The following TAOK3 variants were observed in gnomAD, a reference collection of about 807,000 sequenced individuals.
The protein encoded by TAOK3 is serine/threonine-protein kinase TAO3.
TAOK3 carries 40 observed loss-of-function variants against 120.4 expected under a neutral mutation model. That is an observed-to-expected ratio of 0.33 (90% CI 0.26 to 0.43). The LOEUF is 0.43. Ranked by LOEUF, TAOK3 falls within the 20% of genes least tolerant of loss-of-function variation. TAOK3 has a pLI of 1.00. For synonymous variants in TAOK3, 355 were observed against 387.5 expected, an observed-to-expected ratio of 0.92 and a Z score of 0.99; for missense variants, 821 against 1,112.1, an observed-to-expected ratio of 0.74 and a Z score of 3.72.
rs1186528879 is a variant in TAOK3 at position 118,160,736 on chromosome 12, TCCC to T, written c.2140-381_2140-379del. Among the ~76,000 whole-genome samples the T allele has an allele frequency of 2.0e-5, 3 of 152,030 alleles. No individual in the cohort carries two copies. The highest frequency in any genetic ancestry group is 6.6e-5 in the Admixed American group (1 of 15,260). On this transcript the variant is annotated intron_variant, in intron 18 of 20. Coordinates refer to ENST00000392533, the MANE Select transcript of TAOK3 (RefSeq NM_016281.4). The surrounding 1 kb of genome is among the most constrained non-coding windows in gnomAD (Gnocchi z 4.2). ...AGTGTCTTCCATTGTTCATTGTTTT[TCCC>T]CCCTTTTTTTTTGTTTCTGTGTTTC...
intron 1 of TAOK3, among the ~76,000 whole-genome samples, chr12:118,285,438 C>T (rs1205003067): frequency 6.6e-6 from 1 of 151,692 alleles, no homozygotes; most frequent in Non-Finnish European, 1.5e-5. Context: ...CTGCAACCTC[C>T]ACCTCCCGGG....
At chr12:118,232,490 A>G (rs1415974838) in intron 9 of TAOK3, among the ~76,000 whole-genome samples, 1 of 152,234 alleles carries the variant, frequency 6.6e-6, no homozygotes, top group Admixed American at 6.5e-5. Context: ...GGGAACTCCC[A>G]TAAAGGTAGG....
At chr12:118,311,683 T>C (rs181587416) in intron 1 of TAOK3, among the ~76,000 whole-genome samples, 43 of 151,750 alleles carry the variant, frequency 2.8e-4, no homozygotes, top group Non-Finnish European at 5.4e-4. Context: ...CAAACAAAAC[T>C]AAGAAATGGG....
chr12:118,351,996 C>T (rs1422671018), intron 1 of TAOK3, among the ~76,000 whole-genome samples: 1 of 151,194 alleles, frequency 6.6e-6, no homozygotes, highest in Non-Finnish European at 1.5e-5. Context: ...GCCTCAGCCT[C>T]CCGAGTAGCT....
intron 1 of TAOK3, among the ~76,000 whole-genome samples, chr12:118,335,137 T>C (rs367669012): frequency 1.3e-5 from 2 of 151,018 alleles, no homozygotes; most frequent in African/African-American, 4.9e-5. Flanking sequence ...TGAGCCAAGG[T>C]TGCGCCATCC....
At position 118,372,297 on chromosome 12, in the gene TAOK3, G is replaced by A. The variant is rs1227175371; in HGVS notation, c.-194+351C>T. Among the ~76,000 whole-genome samples, 1 of 149,120 alleles carries A rather than the reference G, an allele frequency of 6.7e-6. No homozygotes were observed. Among genetic ancestry groups the A allele is most frequent in the Non-Finnish European group, 1.5e-5 (1 of 67,224 alleles). ...CTTTTCTGGGACCTGGTCCTTCAGGGGACCCCCTCCCCTCATCCCCCTATC... is the reference window on the plus strand; with the variant it reads ...CTTTTCTGGGACCTGGTCCTTCAGGAGACCCCCTCCCCTCATCCCCCTATC... On this transcript the variant is annotated intron_variant, in intron 1 of 20. Coordinates refer to ENST00000392533, the MANE Select transcript of TAOK3 (RefSeq NM_016281.4). The surrounding 1 kb of genome is among the most constrained non-coding windows in gnomAD (Gnocchi z 4.6).
intron 1 of TAOK3, among the ~76,000 whole-genome samples, chr12:118,278,638 A>G (rs1223917135): frequency 6.6e-6 from 1 of 152,186 alleles, no homozygotes; most frequent in African/African-American, 2.4e-5. Context: ...AGAATGATTC[A>G]TATTCCTTTA....
intron 1 of TAOK3, among the ~76,000 whole-genome samples, chr12:118,311,992 C>T (rs1028257465): frequency 1.3e-5 from 2 of 151,992 alleles, no homozygotes; most frequent in Non-Finnish European, 2.9e-5. Context: ...ATGGTGGAGA[C>T]GTGGTAAGGG....
intron 17 of TAOK3, among the ~76,000 whole-genome samples, chr12:118,167,955 C>T (rs2035716941): frequency 6.6e-6 from 1 of 152,174 alleles, no homozygotes; most frequent in Admixed American, 6.5e-5. Context: ...TTACCTACCT[C>T]ATATCCTTCC....
intron 17 of TAOK3, among the ~76,000 whole-genome samples, chr12:118,165,270 A>G (rs973503007): frequency 6.6e-6 from 1 of 152,198 alleles, no homozygotes; most frequent in Non-Finnish European, 1.5e-5. Context: ...GGCCAAGGAA[A>G]GCCCTTTAAA....
intron 1 of TAOK3, among the ~76,000 whole-genome samples, chr12:118,340,190 T>G (rs182746571): frequency 6.6e-6 from 1 of 152,314 alleles, no homozygotes; most frequent in Admixed American, 6.5e-5. Context: ...ATACATGTAT[T>G]TGTTTGTGAT....
chr12:118,262,348 T>C (rs1419264729), intron 2 of TAOK3, among the ~76,000 whole-genome samples: 2 of 151,566 alleles, frequency 1.3e-5, no homozygotes, highest in Non-Finnish European at 2.9e-5. Context: ...CCGGGCGTGG[T>C]GGTGGGTACC....
chr12:118,177,074 T>A (rs1255004523), intron 16 of TAOK3, 127 bp downstream of exon 16: 7 of 1,036,390 alleles, frequency 6.8e-6, no homozygotes, highest in Non-Finnish European at 9.8e-6. Context: ...GAAAGCATTT[T>A]AGGGTATTCT....
intron 7 of TAOK3, 137 bp from the exon 8 acceptor site, chr12:118,235,808 C>T: frequency 1.7e-6 from 1 of 600,656 alleles, no homozygotes; most frequent in Non-Finnish European, 2.9e-6. Flanking sequence ...GCTCAGATAG[C>T]CAGAAGGAGA....
In TAOK3 at chr12:118,331,368, G is replaced by T. The variant is rs550553771; in HGVS notation, c.-194+41280C>A. ...TACTCTAAAATGAGAATAATGGCTA[G>T]GCATGGTGGCTCGCACCTGTAATCC... On this transcript the variant is annotated intron_variant, in intron 1 of 20. Coordinates refer to ENST00000392533, the MANE Select transcript of TAOK3 (RefSeq NM_016281.4). 4.9e-4 allele frequency among the ~76,000 whole-genome samples: 74 copies of T among 152,220 alleles called. 1 individual carries two copies. The highest frequency in any genetic ancestry group is 4.5e-3 in the Admixed American group (68 of 15,280).
At chr12:118,370,553 G>A (rs1002869684) in intron 1 of TAOK3, among the ~76,000 whole-genome samples, 3 of 152,084 alleles carry the variant, frequency 2.0e-5, no homozygotes, top group Non-Finnish European at 4.4e-5. Context: ...TTCGATGTCT[G>A]CTTCTATAAA....
chr12:118,292,151 G>A lies in TAOK3; in HGVS notation c.-193-25392C>T, dbSNP rs116548150. Among the ~76,000 whole-genome samples the A allele has an allele frequency of 7.7e-3, 1,167 of 152,168 alleles. 12 individuals carry two copies. The highest frequency in any genetic ancestry group is 0.027 in the African/African-American group (1,135 of 41,524). The stretch of plus-strand genomic sequence containing the variant: ...TCCTGCTATACAATATTTTTTCCCC[G>A]TGGATAGTCATAATACATGGTGGCT... On this transcript the variant is annotated intron_variant, in intron 1 of 20. Transcript: ENST00000392533.
chr12:118,359,293 T>G (rs1345068107), intron 1 of TAOK3: 1 of 152,208 alleles, frequency 6.6e-6, no homozygotes, highest in Non-Finnish European at 1.5e-5. Flanking sequence ...AGAGGAAAAC[T>G]TGCTCAAGCT....
At chr12:118,206,787 G>A (rs1303660246) in intron 11 of TAOK3, among the ~76,000 whole-genome samples, 3 of 151,562 alleles carry the variant, frequency 2.0e-5, no homozygotes, top group African/African-American at 4.8e-5. Context: ...AATAGAGATG[G>A]GGTTTCACCA....
Sources: allele counts gnomAD v4.1 joint callset (sites outside exome capture counted in the v4.1 genomes callset), GRCh38; gene constraint gnomAD v4.1.1; non-coding constraint Gnocchi (gnomAD v3.1); transcripts MANE v1.5; gene names NCBI Gene and HGNC (gene_info 2026-07-23, HGNC 2026-07-21).